Variants in SLC25A21 observed in about 807,000 individuals in gnomAD.
SLC25A21 encodes the protein mitochondrial 2-oxodicarboxylate carrier.
Under a neutral mutation model 43.8 loss-of-function variants are expected in SLC25A21, and 47 were observed. That is an observed-to-expected ratio of 1.07 (90% confidence interval 0.85 to 1.37). The LOEUF (loss-of-function observed/expected upper bound fraction) is 1.37, where lower values mean the gene tolerates loss of function less well. SLC25A21 is among the 40% of genes most tolerant of loss of function. The pLI is 0.00. For missense variants in SLC25A21, 352 were observed against 350.2 expected (o/e 1.00, Z -0.04); for synonymous variants, 131 against 121.3 (o/e 1.08, Z -0.52).
chr14:37,106,931 G>C (rs1233179057), intron 1 of SLC25A21, among the ~76,000 whole-genome samples: 1 of 152,120 alleles, frequency 6.6e-6, no homozygotes, highest in Non-Finnish European at 1.5e-5. Context: ...ATTGGGGGCG[G>C]GTTCCCCCGA....
intron 1 of SLC25A21, among the ~76,000 whole-genome samples, chr14:37,054,537 C>T (rs1961779244): frequency 6.6e-6 from 1 of 152,092 alleles, no homozygotes; most frequent in South Asian, 2.1e-4. Flanking sequence ...TTAGCTTTGA[C>T]ACTAGGTAGT....
At chr14:37,162,702 A>C (rs1034088382) in intron 1 of SLC25A21, among the ~76,000 whole-genome samples, 6 of 152,192 alleles carry the variant, frequency 3.9e-5, no homozygotes, top group African/African-American at 7.2e-5. Context: ...GGGACTGTAA[A>C]CTAGTTCAAC....
chr14:37,082,044 T>G (rs1962398572), intron 1 of SLC25A21, among the ~76,000 whole-genome samples: 1 of 152,198 alleles, frequency 6.6e-6, no homozygotes, highest in Admixed American at 6.5e-5. Context: ...TGGAGTACTA[T>G]ACAGTCACAA....
At chr14:36,842,443 T>C (rs1010991983) in intron 2 of SLC25A21, among the ~76,000 whole-genome samples, 1 of 152,100 alleles carries the variant, frequency 6.6e-6, no homozygotes, top group African/African-American at 2.4e-5. Context: ...GCTGGATGTA[T>C]AGGTGGAGTT....
chr14:37,149,495 A>G (rs966724505), intron 1 of SLC25A21, among the ~76,000 whole-genome samples: 4 of 152,028 alleles, frequency 2.6e-5, no homozygotes, highest in African/African-American at 9.7e-5. Context: ...CACACCTGCA[A>G]TCCCAGCACT....
At chr14:37,169,604 C>CACACACAAACACACAG (rs1242965821) in intron 1 of SLC25A21, among the ~76,000 whole-genome samples, 1 of 151,250 alleles carries the variant, frequency 6.6e-6, no homozygotes, top group East Asian at 1.9e-4. Flanking sequence ...CACACACACA[C>CACACACAAACACACAG]ACAGAAGTGT....
rs1163604191 is a variant in SLC25A21, at chr14:36,971,022, G to T, written c.71-96018C>A. Among the ~76,000 whole-genome samples, 5 of 152,122 alleles carry T rather than the reference G, an allele frequency of 3.3e-5. No individual in the cohort carries two copies. In the East Asian group the frequency reaches 7.7e-4, roughly 23 times the overall value. Reference sequence around the variant, plus strand: ...CTCATAGGGACTCAAAGATTTCTTAGCAGAGGAGATAAATAAGCAAATAAA... The same window carrying T: ...CTCATAGGGACTCAAAGATTTCTTATCAGAGGAGATAAATAAGCAAATAAA... On this transcript the variant is annotated intron_variant, in intron 1 of 9. Coordinates refer to ENST00000331299, the MANE Select transcript of SLC25A21 (RefSeq NM_030631.4).
At chr14:36,915,520 A>C (rs1439383776) in intron 1 of SLC25A21, among the ~76,000 whole-genome samples, 1 of 152,164 alleles carries the variant, frequency 6.6e-6, no homozygotes, top group Non-Finnish European at 1.5e-5. Flanking sequence ...ATCTTGTTAG[A>C]GCACAAACTC....
At chr14:36,851,387 T>A (rs540070797) in intron 2 of SLC25A21, among the ~76,000 whole-genome samples, 4 of 152,182 alleles carry the variant, frequency 2.6e-5, no homozygotes, top group Non-Finnish European at 5.9e-5. Context: ...GCTAACAAGT[T>A]GATACACATG....
chr14:36,901,156 C>T (rs1029346861), intron 1 of SLC25A21, among the ~76,000 whole-genome samples: 3 of 151,934 alleles, frequency 2.0e-5, no homozygotes, highest in Non-Finnish European at 1.5e-5. Context: ...GAGCAGAGAC[C>T]GATAAGAAAG....
intron 1 of SLC25A21, among the ~76,000 whole-genome samples, chr14:37,139,558 T>C (rs1331885082): frequency 1.3e-5 from 2 of 152,136 alleles, no homozygotes; most frequent in African/African-American, 4.8e-5. Context: ...TTTCAAGACA[T>C]AAAATTTTCC....
At chr14:36,915,820 G>T (rs1161444995) in intron 1 of SLC25A21, among the ~76,000 whole-genome samples, 1 of 152,116 alleles carries the variant, frequency 6.6e-6, no homozygotes, top group African/African-American at 2.4e-5. Flanking sequence ...ACTGCTCTCT[G>T]CCTGGTAACG....
intron 3 of SLC25A21, among the ~76,000 whole-genome samples, chr14:36,754,076 C>A (rs774390132): frequency 7.9e-5 from 12 of 152,128 alleles, no homozygotes; most frequent in Non-Finnish European, 1.5e-4. Context: ...TTTTATGTAT[C>A]AACTTGACTA....
intron 1 of SLC25A21, among the ~76,000 whole-genome samples, chr14:37,142,312 AGCT>A (rs2094874594): frequency 6.6e-6 from 1 of 152,204 alleles, no homozygotes; most frequent in Non-Finnish European, 1.5e-5. Context: ...CCAGAGTGGT[AGCT>A]CTTCATCACA....
chr14:37,100,808 C>T (rs764013261), intron 1 of SLC25A21, among the ~76,000 whole-genome samples: 4 of 152,162 alleles, frequency 2.6e-5, no homozygotes, highest in Non-Finnish European at 4.4e-5. Context: ...ACCTCAGTTT[C>T]CGTATGAAAG....
At chr14:37,169,931 A>C (rs1166466056) in intron 1 of SLC25A21, among the ~76,000 whole-genome samples, 1 of 152,140 alleles carries the variant, frequency 6.6e-6, no homozygotes, top group Non-Finnish European at 1.5e-5. Context: ...AAATATCCTA[A>C]TTTGCATTTA....
intron 1 of SLC25A21, among the ~76,000 whole-genome samples, chr14:36,890,320 T>C (rs1321616598): frequency 6.6e-6 from 1 of 152,186 alleles, no homozygotes; most frequent in Non-Finnish European, 1.5e-5. Context: ...TTTAACCAGG[T>C]TAAGCTTTTG....
chr14:36,950,419 C>T (rs900212054), intron 1 of SLC25A21, among the ~76,000 whole-genome samples: 2 of 151,908 alleles, frequency 1.3e-5, no homozygotes, highest in African/African-American at 2.4e-5. Flanking sequence ...GAAGAAATAC[C>T]GAAGATATAT....
At chr14:36,954,916 G>C (rs1959295955) in intron 1 of SLC25A21, among the ~76,000 whole-genome samples, 1 of 152,086 alleles carries the variant, frequency 6.6e-6, no homozygotes, top group African/African-American at 2.4e-5. Context: ...AGGATGTTTA[G>C]CCAGAGCCAT....
Sources: allele counts gnomAD v4.1 joint callset (sites outside exome capture counted in the v4.1 genomes callset), GRCh38; gene constraint gnomAD v4.1.1; transcripts MANE v1.5; gene names NCBI Gene and HGNC (gene_info 2026-07-23, HGNC 2026-07-21).